Variants in FAM120A observed in about 807,000 individuals in gnomAD.
The protein encoded by FAM120A is constitutive coactivator of PPAR-gamma-like protein 1.
FAM120A carries 15 observed loss-of-function variants against 109.7 expected under a neutral mutation model. That is an observed-to-expected ratio of 0.14 (90% CI 0.09 to 0.21). The LOEUF (loss-of-function observed/expected upper bound fraction) is 0.21, where lower values mean the gene tolerates loss of function less well. Among genes scored for constraint, FAM120A ranks in the 10% least tolerant of loss-of-function variants. FAM120A has a pLI of 1.00. For missense variants in FAM120A, 899 were observed against 1,439.3 expected (o/e 0.62, Z 6.07); for synonymous variants, 493 against 572.8 (o/e 0.86, Z 1.99).
chr9:93,512,177 A>G (rs1048121032), intron 5 of FAM120A, among the ~76,000 whole-genome samples: 1 of 152,218 alleles, frequency 6.6e-6, no homozygotes, highest in Non-Finnish European at 1.5e-5. Context: ...ATCATATGCC[A>G]AGTAATAGAG....
chr9:93,471,118 G>A, intron 1 of FAM120A, 23 bp from the exon 2 acceptor site: 1 of 1,613,262 alleles, frequency 6.2e-7, no homozygotes. Context: ...TACATCTGAT[G>A]AAGTTTTTTT....
At chr9:93,541,194 G>A (rs1031059448) in intron 10 of FAM120A, among the ~76,000 whole-genome samples, 7 of 152,146 alleles carry the variant, frequency 4.6e-5, no homozygotes, top group African/African-American at 7.2e-5. Flanking sequence ...TGGTTATGTA[G>A]AGTAATCTGA....
At chr9:93,507,936 G>T (rs534204964) in intron 5 of FAM120A, among the ~76,000 whole-genome samples, 1 of 152,284 alleles carries the variant, frequency 6.6e-6, no homozygotes, top group East Asian at 1.9e-4. Flanking sequence ...CCATAAAGGG[G>T]TGGGGCTTTG....
intron 7 of FAM120A, among the ~76,000 whole-genome samples, chr9:93,517,538 G>A (rs1459211661): frequency 6.6e-6 from 1 of 152,198 alleles, no homozygotes; most frequent in Non-Finnish European, 1.5e-5. Flanking sequence ...TGTGCATTTT[G>A]TTGTAAAACG....
At chr9:93,520,157 C>G (rs1251065916) in intron 7 of FAM120A, among the ~76,000 whole-genome samples, 1 of 152,198 alleles carries the variant, frequency 6.6e-6, no homozygotes, top group Non-Finnish European at 1.5e-5. Flanking sequence ...GCATGAGCCA[C>G]TGTGTGCAGC....
At chr9:93,517,732 C>G (rs1860661508) in intron 7 of FAM120A, among the ~76,000 whole-genome samples, 1 of 152,168 alleles carries the variant, frequency 6.6e-6, no homozygotes, top group Non-Finnish European at 1.5e-5. Flanking sequence ...AAGGTGCTGA[C>G]TTGGGGACGT....
rs1860882287 is a variant in FAM120A, at chr9:93,522,409, T to C, written c.1419-4746T>C. Among the ~76,000 whole-genome samples, 3 of 152,238 alleles carry C rather than the reference T, an allele frequency of 2.0e-5. No individual in the cohort carries two copies. The South Asian group carries it at 6.2e-4, about 32-fold the overall frequency. On this transcript the variant is annotated intron_variant, in intron 7 of 17. Coordinates refer to ENST00000277165, the MANE Select transcript of FAM120A (RefSeq NM_014612.5). ...AGATTTTTACAATAACTAGGTCCTATCTTAGGGAGAGTAACTTGCCCTTTT... is the reference window on the plus strand; with the variant it reads ...AGATTTTTACAATAACTAGGTCCTACCTTAGGGAGAGTAACTTGCCCTTTT...
intron 1 of FAM120A, among the ~76,000 whole-genome samples, chr9:93,453,764 C>T (rs1412583051): frequency 6.6e-6 from 1 of 152,186 alleles, no homozygotes; most frequent in Non-Finnish European, 1.5e-5. Flanking sequence ...GAATCGGAGC[C>T]TGGGGCGCTC....
Position 93,497,559 on chromosome 9 carries a change from A to G in FAM120A, c.893A>G (p.Asp298Gly), listed in dbSNP as rs1479399789. 1 of 1,611,056 alleles carries G rather than the reference A, an allele frequency of 6.2e-7. No individual in the cohort carries two copies. The highest frequency in any genetic ancestry group is 8.5e-7 in the Non-Finnish European group (1 of 1,179,062). Residue 298 changes from aspartate to glycine, a missense_variant, in exon 4 of 18, where the codon GAC becomes GGC. This residue lies in a region of FAM120A where 258 missense variants were observed against 451.4 expected (regional missense o/e 0.57). Transcript: ENST00000277165. ...GTACGCAACATTCAGGACACCTCTGACTTGGATGCCATAGCTAAAGATGTT... is the reference window on the plus strand; with the variant it reads ...GTACGCAACATTCAGGACACCTCTGGCTTGGATGCCATAGCTAAAGATGTT... The part of the protein sequence containing the change: ...DYVRNIQDTS[D>G]LDAIAKDVFQ...
In FAM120A at chr9:93,451,861, A is replaced by ACCCCCGGCCCCGCCGC. The variant is rs1220420343; in HGVS notation, c.-48_-33dup. The ACCCCCGGCCCCGCCGC allele has an allele frequency of 2.3e-6, 2 of 857,204 alleles. No individual in the cohort carries two copies. The highest frequency in any genetic ancestry group is 6.5e-5 in the African/African-American group (2 of 30,944). 53.1% of individuals were successfully genotyped at this position (857,204 alleles called of 1,614,324 possible). A position where few individuals can be genotyped will look rare whatever the true frequency, so the allele number is the denominator to read the frequency against. On this transcript the variant is annotated 5_prime_UTR_variant, in exon 1 of 18. Coordinates refer to ENST00000277165, the MANE Select transcript of FAM120A (RefSeq NM_014612.5). ...CCCGCCCGCGCGCCACGGCCCCACC[A>ACCCCCGGCCCCGCCGC]CCCCCGGCCCCGCCGCCCCCCGCCC... is the stretch of plus-strand genomic sequence containing the variant.
chr9:93,517,213 A>C (rs543703640), intron 7 of FAM120A, among the ~76,000 whole-genome samples: 1 of 152,248 alleles, frequency 6.6e-6, no homozygotes, highest in Non-Finnish European at 1.5e-5. Flanking sequence ...TACCCTGTTT[A>C]TAGCAGAGAA....
chr9:93,516,484 T>A (rs963268628), intron 7 of FAM120A, among the ~76,000 whole-genome samples: 1 of 152,172 alleles, frequency 6.6e-6, no homozygotes, highest in Non-Finnish European at 1.5e-5. Context: ...AAATCTGCAC[T>A]ATCCCAGCCC....
Position 93,564,403 on chromosome 9 carries a change from C to T in FAM120A, c.3220C>T (p.Pro1074Ser). The T allele has an allele frequency of 5.0e-6, 8 of 1,614,190 alleles. No homozygotes were observed. Among genetic ancestry groups the T allele is most frequent in the South Asian group, 1.1e-5 (1 of 91,086 alleles). Residue 1074 changes from proline to serine, a missense_variant, in exon 18 of 18, where the codon CCC becomes TCC. By Grantham distance (74) the Pro-to-Ser change is moderately conservative. Around this residue, in one of 11 missense-constraint regions of FAM120A, gnomAD observed 170 missense variants for 205.0 expected, o/e 0.83. Coordinates refer to ENST00000277165, the MANE Select transcript of FAM120A (RefSeq NM_014612.5). ...CGGGAGCACGGGTGACGCCAGGGCCCCCAGCCACTCTGAAAGTGCCTTGAA... is the reference window on the plus strand; with the variant it reads ...CGGGAGCACGGGTGACGCCAGGGCCTCCAGCCACTCTGAAAGTGCCTTGAA... ...MNGSTGDARA[P>S]SHSESALNND...
intron 10 of FAM120A, among the ~76,000 whole-genome samples, chr9:93,536,471 T>A (rs1861520410): frequency 6.6e-6 from 1 of 152,246 alleles, no homozygotes; most frequent in South Asian, 2.1e-4. Context: ...TAATGGTCAC[T>A]GTAACAATAA....
At chr9:93,484,159 C>T (rs1464129048) in intron 3 of FAM120A, among the ~76,000 whole-genome samples, 2 of 152,024 alleles carry the variant, frequency 1.3e-5, no homozygotes, top group East Asian at 3.9e-4. Flanking sequence ...AAGTGATTCT[C>T]CTTCTCCTGC....
intron 1 of FAM120A, among the ~76,000 whole-genome samples, chr9:93,463,230 A>G (rs956943203): frequency 6.6e-6 from 1 of 152,128 alleles, no homozygotes; most frequent in South Asian, 2.1e-4. Flanking sequence ...GGTGTGAGGT[A>G]TTCAGTGTCT....
intron 17 of FAM120A, 82 bp downstream of exon 17, chr9:93,562,386 G>A (rs767025379): frequency 1.3e-5 from 13 of 1,028,632 alleles, no homozygotes; most frequent in Admixed American, 1.8e-5. Context: ...TAGTACCTGC[G>A]CTCAGACAGA....
intron 1 of FAM120A, chr9:93,453,347 G>A (rs1287281701): frequency 2.0e-6 from 2 of 985,544 alleles, no homozygotes; most frequent in Non-Finnish European, 2.4e-6. Flanking sequence ...ACCCAGCAGT[G>A]ACTGTGAAGA....
Position 93,471,132 on chromosome 9 carries a change from G to A in FAM120A, c.475-9G>A, listed in dbSNP as rs553257804. The A allele has an allele frequency of 6.2e-6, 10 of 1,612,564 alleles. No individual in the cohort carries two copies. The highest frequency in any genetic ancestry group is 4.5e-5 in the East Asian group (2 of 44,850). ...CTACATCTGATGAAGTTTTTTTCTC[G>A]TTTGCCAGGTTGCACAGAGCATTGA... On this transcript the variant is annotated splice_polypyrimidine_tract_variant and intron_variant, in intron 1 of 17. Transcript: ENST00000277165.
Sources: allele counts gnomAD v4.1 joint callset (sites outside exome capture counted in the v4.1 genomes callset), GRCh38; gene constraint gnomAD v4.1.1; regional missense constraint gnomAD v4.1.1; transcripts MANE v1.5; gene names NCBI Gene and HGNC (gene_info 2026-07-23, HGNC 2026-07-21).